The following OR2L13 variants were observed in gnomAD, a reference collection of about 807,000 sequenced individuals.
OR2L13 encodes the protein olfactory receptor 2L13.
OR2L13 carries 14 observed loss-of-function variants against 15.3 expected under a neutral mutation model. That is an observed-to-expected ratio of 0.91 (90% CI 0.60 to 1.43). The LOEUF (loss-of-function observed/expected upper bound fraction) is 1.43. OR2L13 is among the 40% of genes most tolerant of loss of function. OR2L13 has a pLI of 0.00. For synonymous variants in OR2L13, 152 were observed against 142.9 expected (o/e 1.06, Z -0.45); for missense variants, 367 against 387.9 (o/e 0.95, Z 0.45).
the OR2L13 span, among the ~76,000 whole-genome samples, chr1:248,012,336 C>G: frequency 6.6e-6 from 1 of 152,126 alleles, no homozygotes; most frequent in Non-Finnish European, 1.5e-5. Context: ...GAGATCCAGA[C>G]GGCAGACTTC....
the OR2L13 span, among the ~76,000 whole-genome samples, chr1:247,981,392 C>A: frequency 1.3e-5 from 2 of 151,964 alleles, no homozygotes; most frequent in African/African-American, 2.4e-5. Flanking sequence ...AATAAAGGAC[C>A]CTCTTCTGAA....
At chr1:247,993,797 G>GAGAGAGAA in the OR2L13 span, among the ~76,000 whole-genome samples, 1 of 136,664 alleles carries the variant, frequency 7.3e-6, no homozygotes, top group Non-Finnish European at 1.5e-5. Context: ...GAGAGAGAGA[G>GAGAGAGAA]AGAGAGAGAG....
chr1:248,022,731 A>C, the OR2L13 span: 1 of 1,614,092 alleles, frequency 6.2e-7, no homozygotes, highest in Non-Finnish European at 8.5e-7. Context: ...TCTATGTCCA[A>C]GATCCCTGCG....
At chr1:248,046,072 A>G in the OR2L13 span, among the ~76,000 whole-genome samples, 1 of 152,174 alleles carries the variant, frequency 6.6e-6, no homozygotes, top group Admixed American at 6.5e-5. Flanking sequence ...TATAAACAGT[A>G]AGAAATTCGA....
chr1:248,028,140 CAAAAAA>C, the OR2L13 span, among the ~76,000 whole-genome samples: 2 of 37,780 alleles, frequency 5.3e-5, no homozygotes, highest in African/African-American at 9.4e-5. Flanking sequence ...GATTCCGTCT[CAAAAAA>C]AAAAAAAAAA....
chr1:247,978,007 T>G, the OR2L13 span, among the ~76,000 whole-genome samples: 1 of 152,190 alleles, frequency 6.6e-6, no homozygotes, highest in African/African-American at 2.4e-5. Flanking sequence ...TTCCTTTCTT[T>G]TCTTTCTTCA....
chr1:248,056,145 T>C, the OR2L13 span, among the ~76,000 whole-genome samples: 1 of 152,194 alleles, frequency 6.6e-6, no homozygotes, highest in Non-Finnish European at 1.5e-5. Flanking sequence ...ATTGTGTTCA[T>C]TGGAATCTTC....
the OR2L13 span, among the ~76,000 whole-genome samples, chr1:248,033,715 T>A: frequency 2.0e-5 from 3 of 152,072 alleles, no homozygotes; most frequent in Non-Finnish European, 4.4e-5. Flanking sequence ...AGTGCTGGGA[T>A]TTCAGGTGTG....
the OR2L13 span, among the ~76,000 whole-genome samples, chr1:248,028,471 T>C: frequency 6.6e-6 from 1 of 152,230 alleles, no homozygotes; most frequent in Non-Finnish European, 1.5e-5. Flanking sequence ...TCTTTATAAG[T>C]GAATATGATT....
At chr1:248,099,441 T>G (rs1246782024) in exon 3 of OR2L13, 2 of 1,613,998 alleles carry the variant, frequency 1.2e-6, no homozygotes, top group Admixed American at 3.3e-5. Context: ...CAAATCAAAC[T>G]GGAATATTTC....
chr1:248,018,138 G>A, the OR2L13 span, among the ~76,000 whole-genome samples: 3 of 146,746 alleles, frequency 2.0e-5, no homozygotes, highest in Non-Finnish European at 4.4e-5. Flanking sequence ...CTAGGCGACA[G>A]AGCGACTCCA....
upstream of OR2L13, among the ~76,000 whole-genome samples, chr1:248,094,207 A>C (rs1420920765): frequency 2.6e-5 from 4 of 152,176 alleles, no homozygotes; most frequent in Non-Finnish European, 5.9e-5. Context: ...TTAGATAATC[A>C]TAATAATTCT....
At chr1:247,990,645 C>G in the OR2L13 span, 10 of 1,531,102 alleles carry the variant, frequency 6.5e-6, no homozygotes, top group Non-Finnish European at 9.0e-6. Flanking sequence ...TGGCTATTTG[C>G]TTTCCTCTCC....
chr1:248,047,783 G>A, the OR2L13 span, among the ~76,000 whole-genome samples: 1 of 152,176 alleles, frequency 6.6e-6, no homozygotes, highest in African/African-American at 2.4e-5. Context: ...AAGTGTGTGA[G>A]TGTAAGTGAT....
the OR2L13 span, chr1:247,965,175 G>T: frequency 3.8e-6 from 2 of 525,288 alleles, no homozygotes; most frequent in Admixed American, 8.0e-5. Context: ...ATAAAAATTT[G>T]CATCCCAGTA....
chr1:248,023,640 G>A, the OR2L13 span: 1 of 152,080 alleles, frequency 6.6e-6, no homozygotes, highest in Non-Finnish European at 1.5e-5. Flanking sequence ...TATACATCTT[G>A]GATTGGGATC....
chr1:248,044,578 T>C, the OR2L13 span, among the ~76,000 whole-genome samples: 5 of 123,294 alleles, frequency 4.1e-5, 1 homozygote, highest in Non-Finnish European at 7.7e-5. Flanking sequence ...CCGAGGCGGG[T>C]GGATCATGAG....
the OR2L13 span, chr1:248,039,022 C>A: frequency 4.3e-6 from 7 of 1,614,086 alleles, no homozygotes; most frequent in Non-Finnish European, 5.9e-6. Flanking sequence ...TTCTACTATG[C>A]ACCCTTTGCT....
chr1:247,984,638 C>T, the OR2L13 span, among the ~76,000 whole-genome samples: 7 of 152,106 alleles, frequency 4.6e-5, no homozygotes, highest in Admixed American at 4.6e-4. Context: ...TCTGTAGAGG[C>T]TGAGAAACTT....
Sources: gnomAD v4.1 joint callset for allele counts (sites outside exome capture counted in the v4.1 genomes callset) on GRCh38, gnomAD v4.1.1 for gene constraint, MANE v1.5 for transcripts, NCBI Gene and HGNC (gene_info 2026-07-23, HGNC 2026-07-21) for gene names.